Variants in BLTP3A observed in about 807,000 individuals in gnomAD.
BLTP3A encodes ICBP90 binding protein 1.
chr6:34,817,984 G>C, the BLTP3A span, among the ~76,000 whole-genome samples: 1 of 151,868 alleles, frequency 6.6e-6, no homozygotes, highest in African/African-American at 2.4e-5. Flanking sequence ...TTCCCGATTA[G>C]CTGGGACTAC....
At chr6:34,820,814 ATTTTT>A in the BLTP3A span, among the ~76,000 whole-genome samples, 88 of 102,796 alleles carry the variant, frequency 8.6e-4, no homozygotes, top group African/African-American at 2.9e-3. Context: ...ACCATGCCTA[ATTTTT>A]TTTTTTTTTT....
the BLTP3A span, among the ~76,000 whole-genome samples, chr6:34,834,061 C>T: frequency 2.6e-5 from 4 of 151,986 alleles, no homozygotes; most frequent in East Asian, 7.7e-4. Flanking sequence ...GTGATCATGC[C>T]GCTGTACTCC....
At chr6:34,809,745 G>A in the BLTP3A span, among the ~76,000 whole-genome samples, 4,349 of 151,944 alleles carry the variant, frequency 0.029, 187 homozygotes, top group African/African-American at 0.096. Flanking sequence ...TAGTAGGGAC[G>A]GGGTTTCATC....
At chr6:34,836,357 T>A in the BLTP3A span, 1 of 1,612,854 alleles carries the variant, frequency 6.2e-7, no homozygotes, top group Non-Finnish European at 8.5e-7. Flanking sequence ...AGGTACCCCA[T>A]GAGGCCTGAG....
chr6:34,818,100 C>T, the BLTP3A span, among the ~76,000 whole-genome samples: 91 of 152,174 alleles, frequency 6.0e-4, no homozygotes, highest in African/African-American at 2.1e-3. Context: ...CCTCGTGATC[C>T]GCCCGCCTTG....
At chr6:34,833,915 C>A in the BLTP3A span, among the ~76,000 whole-genome samples, 4 of 115,090 alleles carry the variant, frequency 3.5e-5, no homozygotes, top group Non-Finnish European at 6.7e-5. Context: ...AGTGAGACTC[C>A]GTCTCAAAAA....
the BLTP3A span, chr6:34,792,101 C>T: frequency 2.3e-6 from 1 of 426,470 alleles, no homozygotes; most frequent in Non-Finnish European, 3.4e-6. Context: ...GCGCCAGGCG[C>T]CCAAAGAGGG....
the BLTP3A span, among the ~76,000 whole-genome samples, chr6:34,793,541 T>G: frequency 8.5e-5 from 13 of 152,340 alleles, no homozygotes; most frequent in South Asian, 2.5e-3. Flanking sequence ...ATCTGAGACT[T>G]TAATTAGTAA....
the BLTP3A span, among the ~76,000 whole-genome samples, chr6:34,805,910 C>CT: frequency 6.6e-6 from 1 of 152,102 alleles, no homozygotes; most frequent in Non-Finnish European, 1.5e-5. Context: ...GTAGACTGGG[C>CT]TTTTAAAAGG....
At chr6:34,864,304 T>A in the BLTP3A span, 1 of 1,148,258 alleles carries the variant, frequency 8.7e-7, no homozygotes, top group Non-Finnish European at 1.2e-6. Context: ...GATGATAATA[T>A]AGACATTTTC....
the BLTP3A span, among the ~76,000 whole-genome samples, chr6:34,864,723 T>G: frequency 2.0e-5 from 3 of 152,242 alleles, no homozygotes; most frequent in South Asian, 6.2e-4. Flanking sequence ...ATCCCAGCAC[T>G]TTGGGAGGCC....
chr6:34,857,566 G>A, the BLTP3A span: 1 of 1,523,064 alleles, frequency 6.6e-7, no homozygotes, highest in Non-Finnish European at 8.9e-7. Flanking sequence ...GTTGTTAGGA[G>A]TTTTCAGTGT....
At chr6:34,858,024 T>A in the BLTP3A span, 1 of 1,556,400 alleles carries the variant, frequency 6.4e-7, no homozygotes, top group African/African-American at 1.4e-5. Context: ...AGTAAGAAAA[T>A]AGTTTCACAG....
chr6:34,813,297 T>C, the BLTP3A span, among the ~76,000 whole-genome samples: 3 of 152,236 alleles, frequency 2.0e-5, no homozygotes, highest in Non-Finnish European at 2.9e-5. Flanking sequence ...ATTAAGCTTT[T>C]TGGCCATTTG....
At chr6:34,853,402 G>T in the BLTP3A span, among the ~76,000 whole-genome samples, 3 of 151,744 alleles carry the variant, frequency 2.0e-5, no homozygotes, top group Non-Finnish European at 4.4e-5. Context: ...TTGCCCTGTT[G>T]CCCAGGCCCA....
the BLTP3A span, among the ~76,000 whole-genome samples, chr6:34,852,665 C>T: frequency 6.6e-6 from 1 of 151,754 alleles, no homozygotes; most frequent in Non-Finnish European, 1.5e-5. Flanking sequence ...ATTCCTTTGG[C>T]TATCCCAGTT....
chr6:34,872,240 C>G, the BLTP3A span: 9 of 1,522,716 alleles, frequency 5.9e-6, no homozygotes, highest in Non-Finnish European at 7.9e-6. Context: ...CTCTTCCTCC[C>G]TGTTCCCTTT....
the BLTP3A span, among the ~76,000 whole-genome samples, chr6:34,798,314 C>G: frequency 6.6e-6 from 1 of 152,206 alleles, no homozygotes; most frequent in Admixed American, 6.5e-5. Context: ...TTCTGGATAC[C>G]AGTTTAGGGC....
chr6:34,810,286 A>G, the BLTP3A span, among the ~76,000 whole-genome samples: 3 of 152,220 alleles, frequency 2.0e-5, no homozygotes, highest in East Asian at 1.9e-4. Context: ...ATAGTACACA[A>G]GAAACACAAG....
Sources: gnomAD v4.1 joint callset for allele counts (sites outside exome capture counted in the v4.1 genomes callset) on GRCh38, gnomAD v4.1.1 for gene constraint, MANE v1.5 for transcripts, NCBI Gene and HGNC (gene_info 2026-07-23, HGNC 2026-07-21) for gene names.